The following MNAT1 variants were observed in gnomAD, a reference collection of about 807,000 sequenced individuals.
The protein encoded by MNAT1 is MNAT1 component of CDK activating kinase.
In MNAT1, 43 loss-of-function variants were observed where a neutral mutation model predicts 42.0. That is an observed-to-expected ratio of 1.02 (90% confidence interval 0.80 to 1.32). The LOEUF is 1.32. MNAT1 is among the 40% of genes most tolerant of loss of function. The pLI is 0.00. For synonymous variants in MNAT1, 118 were observed against 120.0 expected (o/e 0.98, Z 0.11); for missense variants, 306 against 350.4 (o/e 0.87, Z 1.01).
At chr14:60,883,125 T>C (rs1364854749) in intron 7 of MNAT1, among the ~76,000 whole-genome samples, 1 of 152,130 alleles carries the variant, frequency 6.6e-6, no homozygotes, top group Admixed American at 6.6e-5. Context: ...TGCCTGTGCT[T>C]GTGGGGGTGT....
At chr14:60,841,631 C>A (rs1467591544) in intron 6 of MNAT1, among the ~76,000 whole-genome samples, 1 of 151,864 alleles carries the variant, frequency 6.6e-6, no homozygotes, top group East Asian at 1.9e-4. Flanking sequence ...CTTCTATTGA[C>A]TGATTTTTTT....
At chr14:60,801,352 G>T (rs957659022) in intron 3 of MNAT1, among the ~76,000 whole-genome samples, 6 of 152,168 alleles carry the variant, frequency 3.9e-5, no homozygotes, top group African/African-American at 1.4e-4. Flanking sequence ...AGACAAATGG[G>T]ATTGTATCAA....
chr14:60,855,571 C>G (rs1378686133), intron 6 of MNAT1, among the ~76,000 whole-genome samples: 2 of 152,164 alleles, frequency 1.3e-5, no homozygotes, highest in African/African-American at 4.8e-5. Flanking sequence ...CCCCCAGCTC[C>G]TTGCACTTCC....
rs1031114036 is a variant in MNAT1 at position 60,812,066 on chromosome 14, A to G, written c.500A>G (p.Lys167Arg). The change falls in exon 5 of 8, where the codon AAA (lysine) becomes AGA (arginine). Residue 167 changes from lysine (K) to arginine (R), a missense_variant. Coordinates refer to ENST00000261245, the MANE Select transcript of MNAT1 (RefSeq NM_002431.4). ...ENEQRRLFIQ[K>R]EEQLQQILKR... ...GAACAAAGAAGATTATTTATACAAA[A>G]AGAAGAACAACTGCAGCAGATTCTA... 1.9e-6 allele frequency: 3 copies of G among 1,605,026 alleles called. No homozygotes were observed. In the African/African-American group the frequency reaches 4.0e-5, roughly 22 times the overall value.
At position 60,818,830 on chromosome 14, in the gene MNAT1, TC is replaced by T; in HGVS notation, c.672del (p.Thr225GlnfsTer29). The T allele has an allele frequency of 3.1e-6, 5 of 1,612,478 alleles. No individual in the cohort carries two copies. Among genetic ancestry groups the T allele is most frequent in the Non-Finnish European group, 2.5e-6 (3 of 1,179,058 alleles). On this transcript the variant is annotated frameshift_variant, in exon 6 of 8. Coordinates refer to ENST00000261245, the MANE Select transcript of MNAT1 (RefSeq NM_002431.4). LOFTEE classifies it high-confidence loss of function. ...CAAACCTGTAAAACCAGTGACGTTT[TC>T]CACAGGCATCAAAATGGTAAGCCTT... ...KPKPVKPVTF[S>X]TGIKMGQHIS...
chr14:60,908,991 CCTGA>C (rs1288063795), intron 7 of MNAT1, among the ~76,000 whole-genome samples: 16 of 152,114 alleles, frequency 1.1e-4, no homozygotes, highest in African/African-American at 3.6e-4. Context: ...CCTGTTGTTT[CCTGA>C]CTTTTTAATG....
At chr14:60,799,404 C>A in intron 3 of MNAT1, 3 of 985,198 alleles carry the variant, frequency 3.0e-6, no homozygotes, top group Non-Finnish European at 3.6e-6. Flanking sequence ...ATGTAGAAAT[C>A]TGGCTCTATA....
At position 60,962,659 on chromosome 14, in the gene MNAT1, C is replaced by G. The variant is rs1454421919; in HGVS notation, c.810-5570C>G. ...TTATAGTATAACTGGACTTATACTC[C>G]AGTTATAAGGCAGAAAGTCTTCTCC... is the stretch of plus-strand genomic sequence containing the variant. On this transcript the variant is annotated intron_variant, in intron 7 of 7. Transcript: ENST00000261245. Among the ~76,000 whole-genome samples, 4 of 152,172 alleles carry G rather than the reference C, an allele frequency of 2.6e-5. No homozygotes were observed. The East Asian group carries it at 5.8e-4, about 22-fold the overall frequency.
intron 3 of MNAT1, among the ~76,000 whole-genome samples, chr14:60,804,331 C>A (rs544740684): frequency 6.6e-6 from 1 of 152,258 alleles, no homozygotes; most frequent in African/African-American, 2.4e-5. Flanking sequence ...TGAATGAGAC[C>A]TGCTTCATCT....
At chr14:60,819,554 A>T (rs1199487184) in intron 6 of MNAT1, among the ~76,000 whole-genome samples, 2 of 152,158 alleles carry the variant, frequency 1.3e-5, no homozygotes, top group African/African-American at 4.8e-5. Flanking sequence ...TAGAAAAGAT[A>T]AATGTTTGAG....
intron 5 of MNAT1, 98 bp from the exon 6 acceptor site, chr14:60,818,624 T>G: frequency 1.9e-6 from 2 of 1,077,090 alleles, no homozygotes; most frequent in Non-Finnish European, 2.5e-6. Flanking sequence ...TAGTTTGACA[T>G]GAAATGCTTA....
chr14:60,745,268 A>T (rs1266373196), intron 1 of MNAT1, among the ~76,000 whole-genome samples: 2 of 152,128 alleles, frequency 1.3e-5, no homozygotes, highest in African/African-American at 2.4e-5. Context: ...CAGTTGTATT[A>T]TGCACTTTAT....
In MNAT1 at chr14:60,861,051, CT is replaced by C. The variant is rs557829067; in HGVS notation, c.688-18655del. ...GAGAACATAGTGTAGGATCTTGAGG[CT>C]TTTTTTTACATATTTAATGAATCTT... On this transcript the variant is annotated intron_variant, in intron 6 of 7. Coordinates refer to ENST00000261245, the MANE Select transcript of MNAT1 (RefSeq NM_002431.4). 3.3e-5 allele frequency among the ~76,000 whole-genome samples: 5 copies of C among 151,428 alleles called. No homozygotes were observed. The South Asian group carries it at 6.3e-4, about 19-fold the overall frequency.
intron 6 of MNAT1, among the ~76,000 whole-genome samples, chr14:60,839,253 C>T (rs2033479699): frequency 6.6e-6 from 1 of 152,176 alleles, no homozygotes; most frequent in Non-Finnish European, 1.5e-5. Context: ...TTAGCATGCA[C>T]TTACTTCCTT....
chr14:60,802,470 GA>G (rs964259087), intron 3 of MNAT1, among the ~76,000 whole-genome samples: 7 of 150,056 alleles, frequency 4.7e-5, no homozygotes, highest in Admixed American at 6.6e-5. Context: ...TTTGTCAACT[GA>G]AAAAAAAAGA....
chr14:60,909,645 A>G (rs1203767982), intron 7 of MNAT1, among the ~76,000 whole-genome samples: 3 of 151,816 alleles, frequency 2.0e-5, no homozygotes, highest in Non-Finnish European at 4.4e-5. Context: ...GATATGTGGC[A>G]TTATTTCTGA....
At position 60,812,063 on chromosome 14, in the gene MNAT1, A is replaced by G. The variant is rs1196350914; in HGVS notation, c.497A>G (p.Gln166Arg). The G allele has an allele frequency of 6.2e-7, 1 of 1,605,680 alleles. No individual in the cohort carries two copies. The highest frequency in any genetic ancestry group is 8.5e-7 in the Non-Finnish European group (1 of 1,177,210). The change falls in exon 5 of 8, where the codon CAA (glutamine) becomes CGA (arginine). Residue 166 changes from glutamine to arginine, a missense_variant. By Grantham distance (43) the Gln-to-Arg change is conservative. Coordinates refer to ENST00000261245, the MANE Select transcript of MNAT1 (RefSeq NM_002431.4). Reference protein sequence around the residue: ...QENEQRRLFIQKEEQLQQILK... With the variant: ...QENEQRRLFIRKEEQLQQILK... ...AATGAACAAAGAAGATTATTTATAC[A>G]AAAAGAAGAACAACTGCAGCAGATT...
intron 7 of MNAT1, among the ~76,000 whole-genome samples, chr14:60,936,241 T>A (rs927525402): frequency 6.6e-6 from 1 of 152,194 alleles, no homozygotes; most frequent in African/African-American, 2.4e-5. Flanking sequence ...GCATTTTTTT[T>A]ATTATACTTT....
In MNAT1 at chr14:60,734,884, C is replaced by T; in HGVS notation, c.22C>T (p.Arg8Trp). Residue 8 changes from arginine to tryptophan, a missense_variant, in exon 1 of 8, where the codon CGG (arginine) becomes TGG (tryptophan). By Grantham distance (101) the Arg-to-Trp change is moderately radical (BLOSUM62 -3). Around this residue, in one of 3 missense-constraint regions of MNAT1, gnomAD observed 72 missense variants for 111.0 expected, o/e 0.65. Coordinates refer to ENST00000261245, the MANE Select transcript of MNAT1 (RefSeq NM_002431.4). This position sits in a 1 kb window ranked among gnomAD's most constrained non-coding sequence, Gnocchi z 4.3. ...CGCCATGGACGATCAGGGTTGCCCT[C>T]GGTGTAAGACCACCAAATATCGGAA... The part of the protein sequence containing the change: MDDQGCP[R>W]CKTTKYRNPS... 3 of 1,614,078 alleles carry T rather than the reference C, an allele frequency of 1.9e-6. No individual in the cohort carries two copies. The highest frequency in any genetic ancestry group is 2.2e-5 in the East Asian group (1 of 44,870).
Sources: gnomAD v4.1 joint callset for allele counts (sites outside exome capture counted in the v4.1 genomes callset) on GRCh38, gnomAD v4.1.1 for gene constraint, gnomAD v4.1.1 regional missense constraint, Gnocchi (gnomAD v3.1) non-coding constraint, MANE v1.5 for transcripts, NCBI Gene and HGNC (gene_info 2026-07-23, HGNC 2026-07-21) for gene names.